INTS4: variants seen among roughly 807,000 people sequenced by gnomAD.
The protein encoded by INTS4 is MSTP093.
In INTS4, 70 loss-of-function variants were observed where a neutral mutation model predicts 119.5. That is an observed-to-expected ratio of 0.59 (90% CI 0.48 to 0.71). The LOEUF is 0.71. Among genes scored for constraint, INTS4 ranks in the 30% least tolerant of loss-of-function variants. The probability of loss-of-function intolerance (pLI) is 0.00; values close to 1 mark genes in which losing one functional copy is unlikely to be tolerated. For missense variants in INTS4, 867 were observed against 1,173.2 expected (o/e 0.74, Z 3.81); for synonymous variants, 316 against 419.6 (o/e 0.75, Z 3.02).
At chr11:77,972,418 C>CT (rs34698483) in intron 4 of INTS4, among the ~76,000 whole-genome samples, 2 of 150,284 alleles carry the variant, frequency 1.3e-5, no homozygotes, top group African/African-American at 2.4e-5. Context: ...ACTCTCAATA[C>CT]TTTTTTTTTT....
At chr11:77,895,282 A>G (rs1952460958) in intron 18 of INTS4, among the ~76,000 whole-genome samples, 1 of 152,140 alleles carries the variant, frequency 6.6e-6, no homozygotes, top group Non-Finnish European at 1.5e-5. Context: ...TTGGAGGAAT[A>G]AAGTTCCCAC....
At chr11:77,906,736 C>G (rs1298456623) in intron 16 of INTS4, among the ~76,000 whole-genome samples, 1 of 152,220 alleles carries the variant, frequency 6.6e-6, no homozygotes, top group Non-Finnish European at 1.5e-5. Context: ...AGCACAAGTT[C>G]ACACAGTAGA....
intron 10 of INTS4, among the ~76,000 whole-genome samples, chr11:77,933,481 C>T (rs1485365274): frequency 6.6e-6 from 1 of 152,224 alleles, no homozygotes; most frequent in African/African-American, 2.4e-5. Context: ...CAGCCTCGGC[C>T]TCCTGAGGTG....
intron 21 of INTS4, 90 bp from the exon 22 acceptor site, chr11:77,884,042 A>C: frequency 7.5e-7 from 1 of 1,337,488 alleles, no homozygotes; most frequent in Admixed American, 2.0e-5. Context: ...CTCAAAACAC[A>C]AGAAGAAACA....
intron 4 of INTS4, among the ~76,000 whole-genome samples, chr11:77,968,125 G>A (rs182084989): frequency 6.6e-6 from 1 of 152,256 alleles, no homozygotes; most frequent in African/African-American, 2.4e-5. Context: ...AAAAAGTACA[G>A]TAAAAATATA....
intron 10 of INTS4, among the ~76,000 whole-genome samples, chr11:77,936,204 GGATGGAA>G (rs1163276674): frequency 7.3e-6 from 1 of 137,674 alleles, no homozygotes; most frequent in Non-Finnish European, 1.6e-5. Flanking sequence ...AATATATACA[GGATGGAA>G]TATATAATAC....
intron 19 of INTS4, among the ~76,000 whole-genome samples, chr11:77,892,735 A>G (rs1952330051): frequency 6.6e-6 from 1 of 151,934 alleles, no homozygotes; most frequent in South Asian, 2.1e-4. Flanking sequence ...GCTGCCCACC[A>G]CCACGCCCTA....
rs746244022 is a variant in INTS4, at chr11:77,903,547, G to A, written c.2090C>T (p.Ala697Val). Reference sequence around the variant, plus strand: ...AGGTCTGAATAAGCTTACCTGTTTCGCTGCTGCTGAGGCCAAATCACTCTG... The same window carrying A: ...AGGTCTGAATAAGCTTACCTGTTTCACTGCTGCTGAGGCCAAATCACTCTG... ...LKQSDLASAAAKQIMEETYKM... is the reference protein window; with the variant it reads ...LKQSDLASAAVKQIMEETYKM... Residue 697 changes from alanine to valine, a missense_variant, in exon 17 of 23, where the codon GCG becomes GTG. By Grantham distance (64) the Ala-to-Val change is moderately conservative. Around this residue, in one of 5 missense-constraint regions of INTS4, gnomAD observed 262 missense variants for 376.0 expected, o/e 0.70. Transcript: ENST00000534064. 73 of 1,613,566 alleles carry A rather than the reference G, an allele frequency of 4.5e-5. No individual in the cohort carries two copies. The highest frequency in any genetic ancestry group is 5.1e-5 in the Non-Finnish European group (60 of 1,179,760).
Position 77,954,153 on chromosome 11 carries a change from A to C in INTS4, c.918+1789T>G, listed in dbSNP as rs182026439. ...CTGAGTCCTCAAAAAGAAAACAGAA[A>C]AGTACCAAGCTAAAAGATGCAAGAT... On this transcript the variant is annotated intron_variant, in intron 8 of 22. Coordinates refer to ENST00000534064, the MANE Select transcript of INTS4 (RefSeq NM_033547.4). Among the ~76,000 whole-genome samples, 936 of 152,286 alleles carry C rather than the reference A, an allele frequency of 6.1e-3. 9 individuals carry two copies. The highest frequency in any genetic ancestry group is 0.021 in the African/African-American group (883 of 41,548).
intron 18 of INTS4, 77 bp from the exon 19 acceptor site, chr11:77,894,426 G>C: frequency 2.7e-6 from 2 of 749,142 alleles, no homozygotes; most frequent in Non-Finnish European, 2.2e-6. Context: ...AGAAACCTGA[G>C]CCTAAATTAA....
chr11:77,880,924 AAAAC>A (rs532440350), intron 22 of INTS4, among the ~76,000 whole-genome samples: 139 of 152,258 alleles, frequency 9.1e-4, no homozygotes, highest in East Asian at 3.9e-3. Flanking sequence ...ACCCTGTCTC[AAAAC>A]AAACAAACAA....
intron 1 of INTS4, among the ~76,000 whole-genome samples, chr11:77,991,677 G>A (rs1351400985): frequency 1.3e-5 from 2 of 151,736 alleles, no homozygotes; most frequent in Non-Finnish European, 2.9e-5. Context: ...CATGAGCCAC[G>A]GTGCCCAGCC....
chr11:77,957,985 A>G (rs1193800758), intron 7 of INTS4, among the ~76,000 whole-genome samples: 1 of 152,050 alleles, frequency 6.6e-6, no homozygotes, highest in Admixed American at 6.6e-5. Flanking sequence ...TAAATACAGT[A>G]AATCTCAGAA....
intron 18 of INTS4, among the ~76,000 whole-genome samples, chr11:77,900,289 C>A (rs1169452739): frequency 6.6e-6 from 1 of 151,948 alleles, no homozygotes; most frequent in Non-Finnish European, 1.5e-5. Context: ...TTAGTAGAGA[C>A]AGGGTTTCAC....
chr11:77,987,625 G>A (rs1856505782), intron 2 of INTS4: 2 of 450,872 alleles, frequency 4.4e-6, no homozygotes, highest in South Asian at 3.1e-5. Context: ...CAATCCTTTG[G>A]GAGGGCCAAG....
At chr11:77,936,992 T>C (rs1026122494) in intron 10 of INTS4, among the ~76,000 whole-genome samples, 15 of 151,966 alleles carry the variant, frequency 9.9e-5, no homozygotes, top group South Asian at 4.2e-4. Flanking sequence ...CTCGACAACA[T>C]GGCAAAACCC....
At chr11:77,989,130 G>A (rs1856565113) in intron 2 of INTS4, among the ~76,000 whole-genome samples, 1 of 151,954 alleles carries the variant, frequency 6.6e-6, no homozygotes, top group South Asian at 2.1e-4. Flanking sequence ...CAACAAAAAG[G>A]TATCCCTTTT....
intron 21 of INTS4, among the ~76,000 whole-genome samples, chr11:77,890,372 C>T (rs1256256648): frequency 6.6e-6 from 1 of 151,940 alleles, no homozygotes; most frequent in Non-Finnish European, 1.5e-5. Context: ...TTTTTCTGTC[C>T]CCTTATTGTA....
intron 21 of INTS4, among the ~76,000 whole-genome samples, chr11:77,887,036 G>A (rs1270339087): frequency 1.3e-5 from 2 of 151,784 alleles, no homozygotes; most frequent in South Asian, 2.1e-4. Context: ...ACAATTAAAA[G>A]AACTAGAAAA....
Sources: gnomAD v4.1 joint callset for allele counts (sites outside exome capture counted in the v4.1 genomes callset) on GRCh38, gnomAD v4.1.1 for gene constraint, gnomAD v4.1.1 regional missense constraint, MANE v1.5 for transcripts, NCBI Gene and HGNC (gene_info 2026-07-23, HGNC 2026-07-21) for gene names.